Variants in MAPK10 observed in about 807,000 individuals in gnomAD.
MAPK10 encodes the protein JNK3 alpha protein kinase.
A neutral mutation model predicts 59.3 loss-of-function variants in MAPK10; 25 were observed. The ratio of observed to expected loss-of-function variants is 0.42; its 90% confidence interval spans 0.31 to 0.59. The LOEUF is 0.59. Ranked by LOEUF, MAPK10 falls within the 20% of genes least tolerant of loss-of-function variation. The pLI, the probability that MAPK10 is intolerant of heterozygous loss-of-function variation, is 0.15. For missense variants in MAPK10, 351 were observed against 568.9 expected, an observed-to-expected ratio of 0.62 and a Z score of 3.90; for synonymous variants, 190 against 200.5, an observed-to-expected ratio of 0.95 and a Z score of 0.44.
At chr4:86,023,151 T>C (rs116463808) in intron 13 of MAPK10, among the ~76,000 whole-genome samples, 134 of 152,336 alleles carry the variant, frequency 8.8e-4, no homozygotes, top group African/African-American at 3.0e-3. Flanking sequence ...CTTCATTCTT[T>C]TGCATGTATA....
At chr4:86,055,224 A>ACATATCTGC (rs1553934479) in intron 11 of MAPK10, among the ~76,000 whole-genome samples, 1 of 150,298 alleles carries the variant, frequency 6.7e-6, no homozygotes, top group Non-Finnish European at 1.5e-5. Context: ...TAAAATCACT[A>ACATATCTGC]ACATGCTAAA....
chr4:86,440,807 T>C (rs1008668331), intron 1 of MAPK10, among the ~76,000 whole-genome samples: 3 of 152,144 alleles, frequency 2.0e-5, no homozygotes, highest in African/African-American at 7.2e-5. Flanking sequence ...ACAAAAGGTA[T>C]TACATGTTCC....
intron 1 of MAPK10, among the ~76,000 whole-genome samples, chr4:86,544,405 T>A (rs1233161558): frequency 1.3e-5 from 2 of 152,232 alleles, no homozygotes; most frequent in African/African-American, 4.8e-5. Context: ...CACAGATATA[T>A]TGTAGTTACT....
At chr4:86,119,545 CTGCATT>C (rs1229161737) in intron 4 of MAPK10, 3 of 138,384 alleles carry the variant, frequency 2.2e-5, no homozygotes, top group African/African-American at 8.4e-5. Context: ...CAGTGAGCCA[CTGCATT>C]CCAGCCTGGG....
In MAPK10 at chr4:86,174,833, T is replaced by A. The variant is rs781750832; in HGVS notation, c.67-15366A>T. Among the ~76,000 whole-genome samples, 3 of 152,180 alleles carry A rather than the reference T, an allele frequency of 2.0e-5. No homozygotes were observed. The East Asian group carries it at 5.8e-4, about 29-fold the overall frequency. ...CTGCAGTATGTTCTTCATTCTATAT[T>A]TATTTTGGTCATAAAATGTGCCAAG... On this transcript the variant is annotated intron_variant, in intron 3 of 13. Transcript: ENST00000641462.
chr4:86,156,369 A>G (rs888777010), intron 4 of MAPK10, among the ~76,000 whole-genome samples: 2 of 151,966 alleles, frequency 1.3e-5, no homozygotes, highest in Non-Finnish European at 2.9e-5. Flanking sequence ...CTATGATTTT[A>G]TCTTAGAATT....
At chr4:86,427,256 CAAAAAAA>C (rs576600795) in intron 1 of MAPK10, among the ~76,000 whole-genome samples, 3 of 93,772 alleles carry the variant, frequency 3.2e-5, no homozygotes, top group African/African-American at 1.2e-4. Context: ...GATTCTGTCT[CAAAAAAA>C]AAAAAAAAAA....
intron 1 of MAPK10, among the ~76,000 whole-genome samples, chr4:86,556,773 T>C (rs1760302947): frequency 6.6e-6 from 1 of 152,156 alleles, no homozygotes; most frequent in Non-Finnish European, 1.5e-5. Context: ...AACCAAATGA[T>C]AACCTGGAAA....
chr4:86,091,848 AT>A (rs1234091198), intron 9 of MAPK10, among the ~76,000 whole-genome samples: 5 of 151,758 alleles, frequency 3.3e-5, no homozygotes, highest in African/African-American at 9.7e-5. Flanking sequence ...TAATTTTTGT[AT>A]TTTTAGTAGA....
chr4:86,567,550 T>C lies in MAPK10; in HGVS notation c.-263+26360A>G, dbSNP rs548735652. Among the ~76,000 whole-genome samples, 3 of 151,896 alleles carry C rather than the reference T, an allele frequency of 2.0e-5. No homozygotes were observed. The South Asian group carries it at 6.3e-4, about 32-fold the overall frequency. ...TTCTTAAAGGAAAAGTAGTGCATAA[T>C]GTCAAAGTAGTACTTAATCTACACT... On this transcript the variant is annotated intron_variant, in intron 1 of 4. Transcript: ENST00000502302.
intron 3 of MAPK10, chr4:86,192,721 C>G (rs1220435709): frequency 6.6e-6 from 1 of 151,988 alleles, no homozygotes; most frequent in East Asian, 1.9e-4. Context: ...TTAGAACATG[C>G]TCCTTTAGCT....
At chr4:86,455,677 G>A (rs780156943), upstream of MAPK10, among the ~76,000 whole-genome samples, 1 of 152,048 alleles carries the variant, frequency 6.6e-6, no homozygotes, top group African/African-American at 2.4e-5. Context: ...ATAGACCTAA[G>A]AAATGAGATA....
At chr4:86,423,997 A>G (rs1746926593) in intron 1 of MAPK10, among the ~76,000 whole-genome samples, 1 of 151,964 alleles carries the variant, frequency 6.6e-6, no homozygotes, top group Non-Finnish European at 1.5e-5. Context: ...ATTCATATGT[A>G]GAAGAAGTGC....
At chr4:86,275,686 G>GA (rs1202607750) in intron 2 of MAPK10, among the ~76,000 whole-genome samples, 5 of 152,000 alleles carry the variant, frequency 3.3e-5, no homozygotes, top group African/African-American at 1.2e-4. Context: ...ACTACCACTA[G>GA]AAAATATGTA....
At chr4:86,477,952 G>A (rs1482215040) in intron 1 of MAPK10, among the ~76,000 whole-genome samples, 1 of 152,102 alleles carries the variant, frequency 6.6e-6, no homozygotes, top group Non-Finnish European at 1.5e-5. Context: ...ACTGCCGCAA[G>A]GCTTCACGGA....
In MAPK10 at chr4:86,103,187, C is replaced by T. The variant is rs764524219; in HGVS notation, c.424G>A (p.Val142Ile). The T allele has an allele frequency of 6.2e-7, 1 of 1,608,922 alleles. No individual in the cohort carries two copies. The highest frequency in any genetic ancestry group is 2.2e-5 in the East Asian group (1 of 44,636). The part of the protein sequence containing the change: ...PQKTLEEFQD[V>I]YLVMELMDAN... ...TCCTTCATGAGTTTTGTTACTTACACATCTTGGAACTCCTCCAGCGTTTTC... is the reference window on the plus strand; with the variant it reads ...TCCTTCATGAGTTTTGTTACTTACATATCTTGGAACTCCTCCAGCGTTTTC... The change falls in exon 6 of 14, where the codon GTT becomes ATT. Residue 142 changes from valine (V) to isoleucine (I), a missense_variant and splice_region_variant. Val to Ile is a conservative substitution (Grantham distance 29, BLOSUM62 3). This residue lies in a region of MAPK10 where 76 missense variants were observed against 197.9 expected (regional missense o/e 0.38). Coordinates refer to ENST00000641462, the MANE Select transcript of MAPK10 (RefSeq NM_138982.4).
chr4:86,100,988 G>T (rs2149071261), intron 8 of MAPK10, 64 bp downstream of exon 8: 2 of 1,391,716 alleles, frequency 1.4e-6, no homozygotes, highest in Non-Finnish European at 1.0e-6. Flanking sequence ...ATTCCCCTTG[G>T]CTATCTACAA....
intron 4 of MAPK10, among the ~76,000 whole-genome samples, chr4:86,122,761 T>C: frequency 6.6e-6 from 1 of 152,136 alleles, no homozygotes; most frequent in East Asian, 1.9e-4. Flanking sequence ...TCCTTGAAAA[T>C]TGATGTGGAT....
At chr4:86,581,299 T>C (rs1762244385) in intron 1 of MAPK10, among the ~76,000 whole-genome samples, 1 of 151,884 alleles carries the variant, frequency 6.6e-6, no homozygotes, top group African/African-American at 2.4e-5. Context: ...ATCAGCTCTA[T>C]TCCCTAAAAC....
Sources: allele counts gnomAD v4.1 joint callset (sites outside exome capture counted in the v4.1 genomes callset), GRCh38; gene constraint gnomAD v4.1.1; regional missense constraint gnomAD v4.1.1; transcripts MANE v1.5; gene names NCBI Gene and HGNC (gene_info 2026-07-23, HGNC 2026-07-21).